Variants in PTPN13 observed in about 807,000 individuals in gnomAD.
The protein encoded by PTPN13 is protein tyrosine phosphatase non-receptor type 13.
In PTPN13, 191 loss-of-function variants were observed where a neutral mutation model predicts 284.0. The ratio of observed to expected loss-of-function variants is 0.67; its 90% confidence interval spans 0.60 to 0.76. PTPN13 has a LOEUF of 0.76. Among genes scored for constraint, PTPN13 ranks in the 30% least tolerant of loss-of-function variants. The pLI, the probability that PTPN13 is intolerant of heterozygous loss-of-function variation, is 0.00. For missense variants in PTPN13, 2,797 were observed against 2,939.9 expected, an observed-to-expected ratio of 0.95 and a Z score of 1.12; for synonymous variants, 986 against 1,022.3, an observed-to-expected ratio of 0.96 and a Z score of 0.68.
At chr4:86,767,748 A>G in intron 27 of PTPN13, 69 bp from the exon 28 acceptor site, 1 of 1,281,686 alleles carries the variant, frequency 7.8e-7, no homozygotes, top group Non-Finnish European at 1.1e-6. Flanking sequence ...TAACTATACA[A>G]AGTCCTGAAA....
intron 7 of PTPN13, among the ~76,000 whole-genome samples, chr4:86,706,527 A>G (rs1731788652): frequency 6.6e-6 from 1 of 152,166 alleles, no homozygotes; most frequent in East Asian, 1.9e-4. Context: ...TATGTTATCT[A>G]TTGTGGTAGA....
In PTPN13 at chr4:86,783,416, T is replaced by C. The variant is rs144196815; in HGVS notation, c.6025-1049T>C. Among the ~76,000 whole-genome samples, 13 of 152,248 alleles carry C rather than the reference T, an allele frequency of 8.5e-5. 1 individual carries two copies. The highest frequency in any genetic ancestry group is 3.1e-4 in the African/African-American group (13 of 41,576). On this transcript the variant is annotated intron_variant, in intron 37 of 47. Coordinates refer to ENST00000411767, the MANE Select transcript of PTPN13 (RefSeq NM_080683.3). ...ACTGTATAGTGCTCTTCTTTTTAAG[T>C]AATCAGTATGTTGTTGAAAGAAAGA...
rs1741166438 is a variant in PTPN13 at position 86,780,437 on chromosome 4, C to T, written c.5927C>T (p.Ser1976Phe). ...DLPVVPSSKRSAVSAPKSTKG... is the reference protein window; with the variant it reads ...DLPVVPSSKRFAVSAPKSTKG... ...CCAGTGGTCCCCAGCTCAAAGAGGT[C>T]TGCTGTTTCAGCTCCAAAGTCAACC... is the stretch of plus-strand genomic sequence containing the variant. Residue 1976 changes from serine to phenylalanine, a missense_variant, in exon 36 of 48, where the codon TCT becomes TTT. Coordinates refer to ENST00000411767, the MANE Select transcript of PTPN13 (RefSeq NM_080683.3). 1 of 1,611,396 alleles carries T rather than the reference C, an allele frequency of 6.2e-7. No homozygotes were observed. The highest frequency in any genetic ancestry group is 8.5e-7 in the Non-Finnish European group (1 of 1,178,650).
rs1171689308 is a variant in PTPN13, at chr4:86,725,783, A to G, written c.1608+3349A>G. On this transcript the variant is annotated intron_variant, in intron 10 of 47. Coordinates refer to ENST00000411767, the MANE Select transcript of PTPN13 (RefSeq NM_080683.3). ...TTCTGTAGGTTGCCTGTTCACGCTG[A>G]TGGTAGTTTCTTTTGCCATACAGAC... Among the ~76,000 whole-genome samples, 5 of 149,366 alleles carry G rather than the reference A, an allele frequency of 3.3e-5. 1 individual carries two copies. The highest frequency in any genetic ancestry group is 1.2e-4 in the African/African-American group (5 of 40,962).
At chr4:86,632,016 G>A (rs1191907142) in intron 1 of PTPN13, among the ~76,000 whole-genome samples, 1 of 151,814 alleles carries the variant, frequency 6.6e-6, no homozygotes, top group Non-Finnish European at 1.5e-5. Flanking sequence ...ATCATCATAA[G>A]CAACCTAATT....
At chr4:86,674,283 A>G (rs1326985573) in intron 3 of PTPN13, among the ~76,000 whole-genome samples, 3 of 152,218 alleles carry the variant, frequency 2.0e-5, no homozygotes, top group Non-Finnish European at 2.9e-5. Context: ...TTGGCTATGA[A>G]CATTCTTTCC....
In PTPN13 at chr4:86,693,684, T is replaced by C. The variant is rs779610565; in HGVS notation, c.634+10T>C. 2.0e-6 allele frequency: 3 copies of C among 1,523,964 alleles called. No individual in the cohort carries two copies. The highest frequency in any genetic ancestry group is 2.4e-5 in the East Asian group (1 of 41,008). The allele number at this position is 1,523,964 out of a possible 1,614,324, so 94.4% of individuals were successfully genotyped here. A position where few individuals can be genotyped will look rare whatever the true frequency, so the allele number is the denominator to read the frequency against. On this transcript the variant is annotated intron_variant, in intron 6 of 47. Coordinates refer to ENST00000411767, the MANE Select transcript of PTPN13 (RefSeq NM_080683.3). ...AAAGGATTACCAACAGGTAAGAGTA[T>C]ATTAATAGGAAATGTCTAGGCTTTA...
chr4:86,635,399 T>C, intron 2 of PTPN13, 28 bp downstream of exon 2: 2 of 1,563,612 alleles, frequency 1.3e-6, no homozygotes, highest in Non-Finnish European at 1.7e-6. Context: ...CTGCTGTTGT[T>C]GTTGTTGTTT....
intron 10 of PTPN13, 34 bp downstream of exon 10, chr4:86,722,468 C>T (rs1733782116): frequency 1.9e-6 from 3 of 1,556,936 alleles, no homozygotes; most frequent in Non-Finnish European, 2.7e-6. Context: ...CACATCTAAA[C>T]CTGCTCTCAC....
rs1255531120 is a variant in PTPN13 at position 86,735,671 on chromosome 4, C to G, written c.2229C>G (p.Ile743Met). Reference sequence around the variant, plus strand: ...TGGAGAAACTTGATTTATCCTATATCAAAGAAGAGTTACCCAAATTGCATA... The same window carrying G: ...TGGAGAAACTTGATTTATCCTATATGAAAGAAGAGTTACCCAAATTGCATA... Reference protein sequence around the residue: ...RVMEKLDLSYIKEELPKLHNT... With the variant: ...RVMEKLDLSYMKEELPKLHNT... Residue 743 changes from isoleucine to methionine, a missense_variant, in exon 15 of 48, where the codon ATC becomes ATG. Physicochemically the swap from Ile to Met is conservative, Grantham distance 10 (BLOSUM62 1). Transcript: ENST00000411767. 2 of 1,613,428 alleles carry G rather than the reference C, an allele frequency of 1.2e-6. No individual in the cohort carries two copies. The highest frequency in any genetic ancestry group is 1.7e-6 in the Non-Finnish European group (2 of 1,179,592).
Position 86,763,009 on chromosome 4 carries a change from A to G in PTPN13, c.3836A>G (p.His1279Arg), listed in dbSNP as rs536865729. Residue 1279 changes from histidine (H) to arginine (R), a missense_variant, in exon 24 of 48, where the codon CAT (histidine) becomes CGT (arginine). His to Arg is a conservative substitution (Grantham distance 29). Transcript: ENST00000411767. ...LGDQTWQESQHGSPSPSVISK... is the reference protein window; with the variant it reads ...LGDQTWQESQRGSPSPSVISK... ...GACCAAACCTGGCAGGAATCACAGC[A>G]TGGCAGCCCTTCCCCATCTGTAATA... is the stretch of plus-strand genomic sequence containing the variant. 9.9e-5 allele frequency: 159 copies of G among 1,613,912 alleles called. 3 individuals are homozygous for G. In the South Asian group the frequency reaches 1.7e-3, roughly 17 times the overall value.
chr4:86,775,689 G>A, intron 35 of PTPN13, 37 bp downstream of exon 35: 2 of 1,470,182 alleles, frequency 1.4e-6, no homozygotes, highest in Non-Finnish European at 9.4e-7. Flanking sequence ...GATTGTGCGT[G>A]TGTGTGCATT....
At chr4:86,637,253 A>G (rs1723134381) in intron 2 of PTPN13, among the ~76,000 whole-genome samples, 2 of 151,848 alleles carry the variant, frequency 1.3e-5, no homozygotes, top group African/African-American at 4.8e-5. Context: ...CAGAGGTACA[A>G]GGAGGAACTG....
intron 12 of PTPN13, among the ~76,000 whole-genome samples, chr4:86,733,149 A>G (rs1372617235): frequency 6.6e-6 from 1 of 152,102 alleles, no homozygotes; most frequent in African/African-American, 2.4e-5. Flanking sequence ...TATTTAGTCT[A>G]CTATCCTAAA....
intron 5 of PTPN13, 74 bp downstream of exon 5, chr4:86,689,264 A>G: frequency 1.6e-6 from 2 of 1,270,484 alleles, no homozygotes; most frequent in Non-Finnish European, 2.2e-6. Flanking sequence ...TTCTTTAAGG[A>G]TACTATATAG....
rs756122218 is a variant in PTPN13 at position 86,769,806 on chromosome 4, A to C, written c.4527A>C (p.Ser1509=). Residue 1509 remains serine (S), a synonymous_variant, in exon 29 of 48, where the codon TCA becomes TCC. Transcript: ENST00000411767. ...TFEVKLFKNS[S]GLGFSFSRED... ...AGGTAAAATTATTTAAAAATAGCTCAGGTCTAGGATTCAGTTTTTCTCGAG... is the reference window on the plus strand; with the variant it reads ...AGGTAAAATTATTTAAAAATAGCTCCGGTCTAGGATTCAGTTTTTCTCGAG... 3 of 1,607,218 alleles carry C rather than the reference A, an allele frequency of 1.9e-6. No homozygotes were observed. In the East Asian group the frequency reaches 6.7e-5, roughly 36 times the overall value.
At chr4:86,710,124 T>C (rs934126539) in intron 7 of PTPN13, among the ~76,000 whole-genome samples, 1 of 152,188 alleles carries the variant, frequency 6.6e-6, no homozygotes, top group Non-Finnish European at 1.5e-5. Context: ...GAACACTTAA[T>C]ATATGAATAC....
intron 42 of PTPN13, among the ~76,000 whole-genome samples, chr4:86,801,844 G>C (rs1257330440): frequency 6.6e-6 from 1 of 152,018 alleles, no homozygotes; most frequent in Non-Finnish European, 1.5e-5. Context: ...AATATGTTTG[G>C]TTTTCTGCAA....
intron 46 of PTPN13, among the ~76,000 whole-genome samples, chr4:86,810,689 C>A (rs1745128079): frequency 6.6e-6 from 1 of 152,092 alleles, no homozygotes; most frequent in South Asian, 2.1e-4. Flanking sequence ...GTCAAAAGAT[C>A]TTTTTTAGGT....
Sources: gnomAD v4.1 joint callset for allele counts (sites outside exome capture counted in the v4.1 genomes callset) on GRCh38, gnomAD v4.1.1 for gene constraint, MANE v1.5 for transcripts, NCBI Gene and HGNC (gene_info 2026-07-23, HGNC 2026-07-21) for gene names.